GNB5: variants seen among roughly 807,000 people sequenced by gnomAD.
The protein encoded by GNB5 is G protein subunit beta 5.
Under a neutral mutation model 55.3 loss-of-function variants are expected in GNB5, and 37 were observed. That is an observed-to-expected ratio of 0.67 (90% CI 0.51 to 0.88). The LOEUF is 0.88. Ranked by LOEUF, GNB5 falls within the 40% of genes least tolerant of loss-of-function variation. GNB5 has a pLI of 0.00. For missense variants in GNB5, 476 were observed against 515.3 expected (o/e 0.92, Z 0.74); for synonymous variants, 219 against 198.5 (o/e 1.10, Z -0.87).
intron 3 of GNB5, among the ~76,000 whole-genome samples, chr15:52,170,749 G>T (rs994174863): frequency 6.6e-6 from 1 of 151,654 alleles, no homozygotes; most frequent in Middle Eastern, 3.2e-3. Context: ...CTGTATGGAA[G>T]GAAAACATTA....
In GNB5 at chr15:52,147,465, G is replaced by T; in HGVS notation, c.488C>A (p.Ala163Asp). The change falls in exon 6 of 13, where the codon GCT becomes GAT. Residue 163 changes from alanine to aspartate, a missense_variant. Coordinates refer to ENST00000261837, the MANE Select transcript of GNB5 (RefSeq NM_016194.4). ...TGCTGTAGCTCCAACTTACCCACAA[G>T]CAATGGCACATCCCGATGGGGCATA... ...CAYAPSGCAI[A>D]CGGLDNKCSV... 1 of 1,584,714 alleles carries T rather than the reference G, an allele frequency of 6.3e-7. No homozygotes were observed. Among genetic ancestry groups the T allele is most frequent in the African/African-American group, 1.3e-5 (1 of 74,404 alleles).
intron 7 of GNB5, chr15:52,138,402 C>T (rs2033776569): frequency 7.6e-6 from 1 of 131,286 alleles, no homozygotes; most frequent in South Asian, 2.3e-4. Flanking sequence ...AAAAAAAAAA[C>T]TCATTTTTTT....
At chr15:52,186,239 A>G (rs545048208) in intron 1 of GNB5, among the ~76,000 whole-genome samples, 4 of 152,370 alleles carry the variant, frequency 2.6e-5, no homozygotes, top group Admixed American at 1.3e-4. Flanking sequence ...ACAACTTTGT[A>G]TCAGCCCACT....
chr15:52,182,707 C>A (rs1001654389), intron 2 of GNB5, among the ~76,000 whole-genome samples: 1 of 152,152 alleles, frequency 6.6e-6, no homozygotes. Flanking sequence ...GATGAAAGGC[C>A]AGCTGTCAGT....
intron 3 of GNB5, among the ~76,000 whole-genome samples, chr15:52,168,257 T>C (rs2034488970): frequency 6.6e-6 from 1 of 152,216 alleles, no homozygotes; most frequent in Admixed American, 6.5e-5. Flanking sequence ...AACCCCATCG[T>C]CTAAGCCCAA....
chr15:52,179,916 G>A lies in GNB5; in HGVS notation c.127-37C>T, dbSNP rs778240757. Reference sequence around the variant, plus strand: ...GACGCAGCGGAGAGGGAAGCGGAGAGCGGGAATGCGCTGAGCCGCGGCGGG... The same window carrying A: ...GACGCAGCGGAGAGGGAAGCGGAGAACGGGAATGCGCTGAGCCGCGGCGGG... On this transcript the variant is annotated intron_variant, in intron 2 of 12. Coordinates refer to ENST00000261837, the MANE Select transcript of GNB5 (RefSeq NM_016194.4). 15 of 1,481,952 alleles carry A rather than the reference G, an allele frequency of 1.0e-5. No individual in the cohort carries two copies. The South Asian group carries it at 1.4e-4, about 14-fold the overall frequency. The allele number at this position is 1,481,952 out of a possible 1,614,324, so 91.8% of individuals were successfully genotyped here. A position where few individuals can be genotyped will look rare whatever the true frequency, so the allele number is the denominator to read the frequency against.
intron 9 of GNB5, among the ~76,000 whole-genome samples, chr15:52,132,488 G>GTTTT (rs75509196): frequency 7.5e-6 from 1 of 134,056 alleles, no homozygotes; most frequent in East Asian, 2.1e-4. Context: ...GTTTGTTTGG[G>GTTTT]TTTTTTTTTT....
rs1248600120 is a variant in GNB5 at position 52,173,610 on chromosome 15, G to T, written c.238+6158C>A. ...GACTGATCCAAGGTGAAGTGGAAGA[G>T]GTAGACGGAACTAGGTCAGTTAGGG... On this transcript the variant is annotated intron_variant, in intron 3 of 12. Coordinates refer to ENST00000261837, the MANE Select transcript of GNB5 (RefSeq NM_016194.4). Among the ~76,000 whole-genome samples the T allele has an allele frequency of 2.0e-5, 3 of 152,228 alleles. No homozygotes were observed. In the East Asian group the frequency reaches 5.8e-4, roughly 29 times the overall value.
At chr15:52,165,030 G>A (rs4776008) in intron 3 of GNB5, among the ~76,000 whole-genome samples, 38,723 of 152,046 alleles carry the variant, frequency 0.25, 5,490 homozygotes, top group African/African-American at 0.36. Context: ...GACCTGATGG[G>A]GCTGAAAGAT....
intron 4 of GNB5, among the ~76,000 whole-genome samples, chr15:52,151,295 C>A (rs918025101): frequency 6.6e-6 from 1 of 152,174 alleles, no homozygotes; most frequent in African/African-American, 2.4e-5. Context: ...TCAGCGACCA[C>A]GTTAGGGGCT....
At chr15:52,188,996 A>T (rs987821172) in intron 1 of GNB5, among the ~76,000 whole-genome samples, 7 of 152,174 alleles carry the variant, frequency 4.6e-5, no homozygotes, top group Admixed American at 4.6e-4. Context: ...TTATAGATCA[A>T]CCTTGTTTGG....
intron 7 of GNB5, chr15:52,137,318 A>G (rs997505429): frequency 2.8e-6 from 3 of 1,085,058 alleles, no homozygotes; most frequent in African/African-American, 3.3e-5. Flanking sequence ...GAGGGTCCCA[A>G]ACCCAGTGTG....
chr15:52,124,498 G>A lies in GNB5; in HGVS notation c.1151C>T (p.Ser384Phe). ...RVSPDGTAFC[S>F]GSWDHTLRVW... ...TCTGAGGGTATGATCCCATGATCCA[G>A]AGCAGAAAGCAGTCCCATCGGGGGA... The change falls in exon 12 of 13, where the codon TCT becomes TTT. Residue 384 changes from serine (S) to phenylalanine (F), a missense_variant. Coordinates refer to ENST00000261837, the MANE Select transcript of GNB5 (RefSeq NM_016194.4). The A allele has an allele frequency of 6.2e-7, 1 of 1,613,988 alleles. No homozygotes were observed. The highest frequency in any genetic ancestry group is 8.5e-7 in the Non-Finnish European group (1 of 1,179,822).
chr15:52,151,288 G>C (rs748512680), intron 4 of GNB5, among the ~76,000 whole-genome samples: 2 of 152,164 alleles, frequency 1.3e-5, no homozygotes, highest in Non-Finnish European at 2.9e-5. Context: ...GCCCACATCA[G>C]CGACCACGTT....
intron 6 of GNB5, among the ~76,000 whole-genome samples, chr15:52,146,140 G>T (rs575025230): frequency 1.0e-3 from 159 of 151,836 alleles, no homozygotes; most frequent in African/African-American, 3.7e-3. Flanking sequence ...TTTATTTTTA[G>T]TAGAGACGGG....
chr15:52,162,504 T>G (rs898711493), intron 3 of GNB5, among the ~76,000 whole-genome samples: 1 of 151,962 alleles, frequency 6.6e-6, no homozygotes, highest in Admixed American at 6.5e-5. Context: ...TCCGTGAAAA[T>G]AAATACTCTG....
intron 10 of GNB5, among the ~76,000 whole-genome samples, chr15:52,127,838 A>G (rs191640183): frequency 6.6e-6 from 1 of 151,936 alleles, no homozygotes; most frequent in Admixed American, 6.5e-5. Flanking sequence ...CCTTGAGAAA[A>G]GCCAAATGTC....
At chr15:52,134,893 A>G (rs1395037664) in intron 8 of GNB5, among the ~76,000 whole-genome samples, 1 of 151,924 alleles carries the variant, frequency 6.6e-6, no homozygotes, top group Non-Finnish European at 1.5e-5. Context: ...ATTTGCATAC[A>G]CACTGCAAAC....
rs761680228 is a variant in GNB5 at position 52,115,162 on chromosome 15, C to G, written c.*7595G>C. The G allele has an allele frequency of 6.6e-6, 1 of 152,204 alleles. No homozygotes were observed. The highest frequency in any genetic ancestry group is 1.5e-5 in the Non-Finnish European group (1 of 68,038). 9.4% of individuals were successfully genotyped at this position (152,204 alleles called of 1,614,324 possible). Reference sequence around the variant, plus strand: ...TGATTTTACCTTTTTGTACATTAAACTTTAGCAGCAAGAACATTGTTTTCT... The same window carrying G: ...TGATTTTACCTTTTTGTACATTAAAGTTTAGCAGCAAGAACATTGTTTTCT... On this transcript the variant is annotated 3_prime_UTR_variant, in exon 13 of 13. Coordinates refer to ENST00000261837, the MANE Select transcript of GNB5 (RefSeq NM_016194.4).
Sources: gnomAD v4.1 joint callset for allele counts (sites outside exome capture counted in the v4.1 genomes callset) on GRCh38, gnomAD v4.1.1 for gene constraint, MANE v1.5 for transcripts, NCBI Gene and HGNC (gene_info 2026-07-23, HGNC 2026-07-21) for gene names.